Variants in PLEKHA1 observed in about 807,000 individuals in gnomAD.
The protein encoded by PLEKHA1 is pleckstrin homology domain containing A1.
A neutral mutation model predicts 52.0 loss-of-function variants in PLEKHA1; 34 were observed. That is an observed-to-expected ratio of 0.65 (90% CI 0.50 to 0.87). The LOEUF (loss-of-function observed/expected upper bound fraction) is 0.87, where lower values mean the gene tolerates loss of function less well. Among genes scored for constraint, PLEKHA1 ranks in the 40% least tolerant of loss-of-function variants. The probability of loss-of-function intolerance (pLI) is 0.00; values close to 1 mark genes in which losing one functional copy is unlikely to be tolerated. For missense variants in PLEKHA1, 497 were observed against 504.2 expected (o/e 0.99, Z 0.14); for synonymous variants, 163 against 170.7 (o/e 0.95, Z 0.35).
In PLEKHA1 at chr10:122,412,058, A is replaced by G. The variant is rs114749377; in HGVS notation, c.343-862A>G. ...ATGTGCTAAACAGTCTACAGATAGA[A>G]ATAATGATTAACTGAGTACCTTATT... On this transcript the variant is annotated intron_variant, in intron 5 of 11. Transcript: ENST00000368990. The G allele has an allele frequency of 3.3e-3, 501 of 152,314 alleles. 3 individuals are homozygous for G. The highest frequency in any genetic ancestry group is 0.011 in the African/African-American group (474 of 41,576). The allele number at this position is 152,314 out of a possible 1,614,324, so 9.4% of individuals were successfully genotyped here.
At chr10:122,375,780 A>C (rs1221096438) in intron 1 of PLEKHA1, among the ~76,000 whole-genome samples, 1 of 152,220 alleles carries the variant, frequency 6.6e-6, no homozygotes, top group African/African-American at 2.4e-5. Flanking sequence ...ATAAATATCC[A>C]GGCAGTTTCT....
intron 3 of PLEKHA1, among the ~76,000 whole-genome samples, chr10:122,400,027 T>C (rs576150148): frequency 3.3e-5 from 5 of 152,328 alleles, no homozygotes; most frequent in Admixed American, 2.6e-4. Context: ...TTGAAAATTA[T>C]TTTAAACTAA....
Position 122,429,860 on chromosome 10 carries a change from A to G in PLEKHA1, c.1137A>G (p.Gln379=). ...KVTEQALLRP[Q]SKNGPQEKDC... is the part of the protein sequence containing the mutation. ...CTGAACAAGCTCTGTTAAGACCTCA[A>G]AGTAAAAATGGCCCTCAGGAAAAAG... is the stretch of plus-strand genomic sequence containing the variant. The change falls in exon 12 of 12, where the codon CAA becomes CAG. Residue 379 remains glutamine, a synonymous_variant. Coordinates refer to ENST00000368990, the MANE Select transcript of PLEKHA1 (RefSeq NM_001001974.4). 2 of 1,614,144 alleles carry G rather than the reference A, an allele frequency of 1.2e-6. No individual in the cohort carries two copies. Among genetic ancestry groups the G allele is most frequent in the African/African-American group, 1.3e-5 (1 of 75,036 alleles).
intron 1 of PLEKHA1, among the ~76,000 whole-genome samples, chr10:122,384,307 G>C (rs1185610657): frequency 6.6e-6 from 1 of 152,158 alleles, no homozygotes; most frequent in African/African-American, 2.4e-5. Context: ...GCCATGGAAA[G>C]CTTTTAAAAA....
chr10:122,402,231 A>G (rs944143746), intron 4 of PLEKHA1, among the ~76,000 whole-genome samples: 1 of 152,168 alleles, frequency 6.6e-6, no homozygotes, highest in Non-Finnish European at 1.5e-5. Context: ...GGGTGATTTT[A>G]GTTGGAATCA....
At chr10:122,437,111 C>T (rs1052852902), downstream of PLEKHA1, 3 of 148,550 alleles carry the variant, frequency 2.0e-5, no homozygotes, top group Middle Eastern at 3.3e-3. Flanking sequence ...GTCCCAATGG[C>T]GTCTGTTTCT....
At chr10:122,425,763 T>A (rs552466531) in intron 10 of PLEKHA1, 2 of 152,066 alleles carry the variant, frequency 1.3e-5, no homozygotes, top group Admixed American at 6.5e-5. Context: ...GTTTTTGTTT[T>A]ATTGAAGTTA....
intron 4 of PLEKHA1, among the ~76,000 whole-genome samples, chr10:122,402,269 A>G (rs2096940105): frequency 6.6e-6 from 1 of 152,224 alleles, no homozygotes; most frequent in African/African-American, 2.4e-5. Flanking sequence ...TTCATTGGTC[A>G]GGCAATAGTT....
chr10:122,436,825 T>A (rs997648686), downstream of PLEKHA1: 1 of 152,102 alleles, frequency 6.6e-6, no homozygotes, highest in African/African-American at 2.4e-5. Context: ...TTCTAAATGT[T>A]GATTCAGGGG....
At chr10:122,410,026 G>A (rs1016961058) in intron 5 of PLEKHA1, among the ~76,000 whole-genome samples, 12 of 151,974 alleles carry the variant, frequency 7.9e-5, no homozygotes, top group African/African-American at 2.9e-4. Flanking sequence ...CAAGTGATCC[G>A]CCCAGCTTGG....
At chr10:122,388,964 G>A (rs1165431477) in intron 1 of PLEKHA1, among the ~76,000 whole-genome samples, 1 of 152,164 alleles carries the variant, frequency 6.6e-6, no homozygotes, top group Non-Finnish European at 1.5e-5. Flanking sequence ...TGCCATATTT[G>A]TAGTTACTTC....
intron 6 of PLEKHA1, among the ~76,000 whole-genome samples, 198 bp downstream of exon 6, chr10:122,413,243 G>C (rs750261023): frequency 2.0e-5 from 3 of 151,990 alleles, no homozygotes; most frequent in Non-Finnish European, 4.4e-5. Flanking sequence ...TGATTTCTCT[G>C]AGCCTTTCTT....
chr10:122,397,251 G>T lies in PLEKHA1; in HGVS notation c.142-667G>T, dbSNP rs1205330200. On this transcript the variant is annotated intron_variant, in intron 2 of 11. Coordinates refer to ENST00000368990, the MANE Select transcript of PLEKHA1 (RefSeq NM_001001974.4). Reference sequence around the variant, plus strand: ...AGCCTAAATGTTGTTCATCACTTCAGTCTTTCTGGATAGCTTCAACCAGAG... The same window carrying T: ...AGCCTAAATGTTGTTCATCACTTCATTCTTTCTGGATAGCTTCAACCAGAG... Among the ~76,000 whole-genome samples, 10 of 152,160 alleles carry T rather than the reference G, an allele frequency of 6.6e-5. No homozygotes were observed. The East Asian group carries it at 1.9e-3, about 29-fold the overall frequency.
At chr10:122,421,807 CT>C (rs910966576) in intron 8 of PLEKHA1, 2 of 152,150 alleles carry the variant, frequency 1.3e-5, no homozygotes, top group African/African-American at 4.8e-5. Context: ...ATATTCTCAT[CT>C]GTCATGAGAA....
chr10:122,425,074 G>T, intron 10 of PLEKHA1, 115 bp downstream of exon 10: 1 of 847,436 alleles, frequency 1.2e-6, no homozygotes, highest in East Asian at 2.7e-5. Context: ...TATGACAACT[G>T]TAATTCACCA....
chr10:122,430,020 G>A lies in PLEKHA1; in HGVS notation c.*82G>A, dbSNP rs1246781758. Reference sequence around the variant, plus strand: ...CTTCTAGCCAAAGATGATAAAGGGGGAAATGGTTTTTAGTGCGTATATTAT... The same window carrying A: ...CTTCTAGCCAAAGATGATAAAGGGGAAAATGGTTTTTAGTGCGTATATTAT... On this transcript the variant is annotated 3_prime_UTR_variant, in exon 12 of 12. Transcript: ENST00000368990. 1.4e-6 allele frequency: 2 copies of A among 1,461,872 alleles called. No homozygotes were observed. The highest frequency in any genetic ancestry group is 1.8e-6 in the Non-Finnish European group (2 of 1,086,630). The allele number at this position is 1,461,872 out of a possible 1,614,324, so 90.6% of individuals were successfully genotyped here.
intron 1 of PLEKHA1, among the ~76,000 whole-genome samples, chr10:122,377,453 G>A (rs2096553731): frequency 2.6e-5 from 4 of 152,154 alleles, no homozygotes; most frequent in Admixed American, 2.0e-4. Context: ...TTCAATAGGA[G>A]TTAAATATTA....
chr10:122,402,841 A>G (rs2096950149), intron 4 of PLEKHA1, among the ~76,000 whole-genome samples: 1 of 152,224 alleles, frequency 6.6e-6, no homozygotes. Flanking sequence ...GAAAATAGGA[A>G]GATATCTTAA....
chr10:122,391,796 C>G (rs2096779610), intron 1 of PLEKHA1, among the ~76,000 whole-genome samples: 1 of 151,454 alleles, frequency 6.6e-6, no homozygotes, highest in Non-Finnish European at 1.5e-5. Flanking sequence ...TTTAAAGTAT[C>G]AGATTTATAA....
Sources: allele counts gnomAD v4.1 joint callset (sites outside exome capture counted in the v4.1 genomes callset), GRCh38; gene constraint gnomAD v4.1.1; transcripts MANE v1.5; gene names NCBI Gene and HGNC (gene_info 2026-07-23, HGNC 2026-07-21).